Variants in TNS3 observed in about 807,000 individuals in gnomAD.
The protein encoded by TNS3 is tensin-3.
In TNS3, 45 loss-of-function variants were observed where a neutral mutation model predicts 140.9. The observed-to-expected ratio is 0.32, with a 90% confidence interval of 0.25 to 0.41. The LOEUF is 0.41. Among genes scored for constraint, TNS3 ranks in the 10% least tolerant of loss-of-function variants. The probability of loss-of-function intolerance (pLI) is 1.00; values close to 1 mark genes in which losing one functional copy is unlikely to be tolerated. For missense variants in TNS3, 1,716 were observed against 1,906.7 expected (o/e 0.90, Z 1.86); for synonymous variants, 815 against 788.4 (o/e 1.03, Z -0.56).
At chr7:47,319,378 CGAGA>C (rs141689314) in intron 20 of TNS3, among the ~76,000 whole-genome samples, 9 of 149,428 alleles carry the variant, frequency 6.0e-5, no homozygotes, top group Admixed American at 3.3e-4. Flanking sequence ...GAGAGGAAGG[CGAGA>C]GAGAGAGAGT....
At chr7:47,360,027 C>T (rs1399111460) in intron 17 of TNS3, among the ~76,000 whole-genome samples, 1 of 152,216 alleles carries the variant, frequency 6.6e-6, no homozygotes, top group East Asian at 1.9e-4. Flanking sequence ...CCCTGCTTTG[C>T]AGAGTGAGAG....
In TNS3 at chr7:47,481,827, C is replaced by T. The variant is rs1052102082; in HGVS notation, c.-114-686G>A. ...ACAGGGAGCCACCAGTCCTGCAGGG[C>T]AAAGACCCCACCTTGGGCAGGATCT... On this transcript the variant is annotated intron_variant, in intron 3 of 30. Coordinates refer to ENST00000311160, the MANE Select transcript of TNS3 (RefSeq NM_022748.12). 9.3e-6 allele frequency: 3 copies of T among 323,598 alleles called. No homozygotes were observed. In the South Asian group the frequency reaches 3.7e-4, roughly 39 times the overall value. The allele number at this position is 323,598 out of a possible 1,614,324, so 20.0% of individuals were successfully genotyped here. A position where few individuals can be genotyped will look rare whatever the true frequency, so the allele number is the denominator to read the frequency against.
At chr7:47,331,042 C>G (rs775864020) in intron 20 of TNS3, among the ~76,000 whole-genome samples, 18 of 152,294 alleles carry the variant, frequency 1.2e-4, no homozygotes, top group Non-Finnish European at 1.9e-4. Flanking sequence ...TCTGCAGGTA[C>G]CTTTGAGGAC....
intron 16 of TNS3, among the ~76,000 whole-genome samples, chr7:47,375,620 A>T (rs1207366614): frequency 6.6e-6 from 1 of 152,238 alleles, no homozygotes; most frequent in African/African-American, 2.4e-5. Flanking sequence ...AGGCACTCAG[A>T]AAGTATTTCA....
intron 1 of TNS3, among the ~76,000 whole-genome samples, chr7:47,547,345 G>T (rs980098807): frequency 6.6e-6 from 1 of 152,174 alleles, no homozygotes; most frequent in African/African-American, 2.4e-5. Context: ...GGCAAGTGTG[G>T]GTGGGACGTG....
intron 1 of TNS3, among the ~76,000 whole-genome samples, chr7:47,581,200 A>G (rs972642781): frequency 3.9e-5 from 6 of 152,040 alleles, no homozygotes; most frequent in African/African-American, 1.4e-4. Context: ...GCCGCTGCAC[A>G]GCACCGACAC....
chr7:47,377,422 T>C (rs1367160938), intron 16 of TNS3, among the ~76,000 whole-genome samples: 2 of 151,956 alleles, frequency 1.3e-5, no homozygotes, highest in Non-Finnish European at 2.9e-5. Flanking sequence ...TGGACACAAA[T>C]GGGTGTGGTC....
chr7:47,479,488 A>G (rs1288392998), intron 4 of TNS3, among the ~76,000 whole-genome samples: 1 of 38,970 alleles, frequency 2.6e-5, no homozygotes, highest in Non-Finnish European at 5.2e-5. Context: ...CTACTCCCCC[A>G]CCCCCCCGTC....
rs145473878 is a variant in TNS3, at chr7:47,468,509, G to A, written c.-76+12594C>T. On this transcript the variant is annotated intron_variant, in intron 4 of 30. Coordinates refer to ENST00000311160, the MANE Select transcript of TNS3 (RefSeq NM_022748.12). Reference sequence around the variant, plus strand: ...CCTTCAGTAGTTACTGCTATTTCCCGAACCAATCACATATGGCCACTGCGT... The same window carrying A: ...CCTTCAGTAGTTACTGCTATTTCCCAAACCAATCACATATGGCCACTGCGT... Among the ~76,000 whole-genome samples the A allele has an allele frequency of 7.3e-3, 1,114 of 152,112 alleles. 7 individuals are homozygous for A. The highest frequency in any genetic ancestry group is 0.011 in the Non-Finnish European group (778 of 68,008).
chr7:47,545,994 T>C (rs1464651297), intron 1 of TNS3, among the ~76,000 whole-genome samples: 1 of 152,090 alleles, frequency 6.6e-6, no homozygotes, highest in Non-Finnish European at 1.5e-5. Context: ...GAGCTCTGAT[T>C]TGTAGTTGGG....
chr7:47,514,498 T>C (rs1368932016), intron 2 of TNS3, among the ~76,000 whole-genome samples: 1 of 152,194 alleles, frequency 6.6e-6, no homozygotes, highest in Non-Finnish European at 1.5e-5. Flanking sequence ...AACAACCCAT[T>C]ACCAAATCTT....
intron 20 of TNS3, among the ~76,000 whole-genome samples, chr7:47,322,376 G>C (rs771356740): frequency 9.2e-5 from 14 of 152,030 alleles, no homozygotes; most frequent in Admixed American, 2.0e-4. Context: ...ACAAAAATTA[G>C]CCGGGCGTGG....
intron 3 of TNS3, among the ~76,000 whole-genome samples, chr7:47,497,571 A>C (rs1379280838): frequency 2.0e-5 from 3 of 152,040 alleles, no homozygotes; most frequent in Admixed American, 6.6e-5. Flanking sequence ...TGAGAGCTAC[A>C]CATGCAAATT....
At position 47,439,612 on chromosome 7, in the gene TNS3, G is replaced by A; in HGVS notation, c.25C>T (p.Leu9Phe). Reference protein sequence around the residue: MEEGHGLDLTYITERIIAV... With the variant: MEEGHGLDFTYITERIIAV... The stretch of plus-strand genomic sequence containing the variant: ...ATGATGCGCTCCGTGATGTAAGTGA[G>A]GTCCAGCCCATGGCCCTCCTCCATG... Residue 9 changes from leucine (L) to phenylalanine (F), a missense_variant, in exon 6 of 31, where the codon CTC becomes TTC. This residue lies in a region of TNS3 where 337 missense variants were observed against 428.9 expected (regional missense o/e 0.79). Coordinates refer to ENST00000311160, the MANE Select transcript of TNS3 (RefSeq NM_022748.12). 4 of 1,613,966 alleles carry A rather than the reference G, an allele frequency of 2.5e-6. No individual in the cohort carries two copies. Among genetic ancestry groups the A allele is most frequent in the Non-Finnish European group, 3.4e-6 (4 of 1,180,004 alleles).
intron 16 of TNS3, among the ~76,000 whole-genome samples, chr7:47,389,894 G>T (rs117607806): frequency 5.3e-5 from 8 of 152,214 alleles, no homozygotes; most frequent in African/African-American, 1.4e-4. Flanking sequence ...CATCTGGCCC[G>T]TTTCTGTCTC....
rs34227350 is a variant in TNS3, at chr7:47,434,309, GA to G, written c.324+972del. ...TTTTTTAGTGTAAAAGAGTCCGGAAGAAAAAAAAAAAAAAAACTTCTATCTT... is the reference window on the plus strand; with the variant it reads ...TTTTTTAGTGTAAAAGAGTCCGGAAGAAAAAAAAAAAAAAACTTCTATCTT... On this transcript the variant is annotated intron_variant, in intron 8 of 30. Transcript: ENST00000311160. Among the ~76,000 whole-genome samples the G allele has an allele frequency of 9.1e-3, 1,188 of 130,710 alleles. 26 individuals carry two copies. The highest frequency in any genetic ancestry group is 0.032 in the African/African-American group (1,034 of 32,790). 85.8% of individuals were successfully genotyped at this position (130,710 alleles called of 152,430 possible).
intron 4 of TNS3, among the ~76,000 whole-genome samples, chr7:47,458,464 C>A (rs1286044440): frequency 6.6e-6 from 1 of 152,216 alleles, no homozygotes; most frequent in Admixed American, 6.5e-5. Flanking sequence ...AACCTTTTTT[C>A]TCCCTCATTT....
intron 2 of TNS3, among the ~76,000 whole-genome samples, chr7:47,511,382 C>A: frequency 6.6e-6 from 1 of 151,716 alleles, no homozygotes; most frequent in Non-Finnish European, 1.5e-5. Context: ...AAAAAATGCA[C>A]CTCCTCTCAT....
At chr7:47,361,871 T>G (rs903232512) in intron 17 of TNS3, among the ~76,000 whole-genome samples, 2 of 152,016 alleles carry the variant, frequency 1.3e-5, no homozygotes, top group Non-Finnish European at 2.9e-5. Flanking sequence ...TGATGTAACA[T>G]GAATAAAATA....
Sources: allele counts gnomAD v4.1 joint callset (sites outside exome capture counted in the v4.1 genomes callset), GRCh38; gene constraint gnomAD v4.1.1; regional missense constraint gnomAD v4.1.1; transcripts MANE v1.5; gene names NCBI Gene and HGNC (gene_info 2026-07-23, HGNC 2026-07-21).